The following NRG3 variants were observed in gnomAD, a reference collection of about 807,000 sequenced individuals.
The protein encoded by NRG3 is neuregulin 3.
NRG3 carries 31 observed loss-of-function variants against 66.9 expected under a neutral mutation model. That is an observed-to-expected ratio of 0.46 (90% CI 0.35 to 0.63). NRG3 has a LOEUF of 0.63. Ranked by LOEUF, NRG3 falls within the 20% of genes least tolerant of loss-of-function variation. The pLI, the probability that NRG3 is intolerant of heterozygous loss-of-function variation, is 0.00. For synonymous variants in NRG3, 393 were observed against 359.4 expected (o/e 1.09, Z -1.06); for missense variants, 910 against 878.9 (o/e 1.04, Z -0.45).
rs937874149 is a variant in NRG3, at chr10:81,876,177, G to A, written c.823+14G>A. 1.3e-6 allele frequency: 2 copies of A among 1,561,128 alleles called. No homozygotes were observed. The highest frequency in any genetic ancestry group is 2.7e-5 in the African/African-American group (2 of 73,254). ...GCCCCAAATTTCGTAAGTAAACACT[G>A]TGTCTCAACTATGATTTACTACTGA... On this transcript the variant is annotated intron_variant, in intron 1 of 8. Coordinates refer to ENST00000372141, the MANE Select transcript of NRG3 (RefSeq NM_001010848.4).
chr10:81,958,004 A>G (rs186126339), intron 1 of NRG3, among the ~76,000 whole-genome samples: 44 of 152,296 alleles, frequency 2.9e-4, no homozygotes, highest in African/African-American at 1.0e-3. Context: ...TGGCCTTTCC[A>G]GATTGGAGTA....
intron 3 of NRG3, among the ~76,000 whole-genome samples, chr10:82,764,564 T>C (rs1260559285): frequency 6.6e-6 from 1 of 151,828 alleles, no homozygotes; most frequent in African/African-American, 2.4e-5. Context: ...GGCTTCACCA[T>C]GTTGGCCAGG....
chr10:82,007,326 C>T (rs2061412476), intron 1 of NRG3, among the ~76,000 whole-genome samples: 1 of 151,028 alleles, frequency 6.6e-6, no homozygotes, highest in Non-Finnish European at 1.5e-5. Context: ...TCTCCTGCCT[C>T]AGCCTCCCAA....
At chr10:82,600,015 A>G (rs1178185508) in intron 2 of NRG3, among the ~76,000 whole-genome samples, 1 of 152,200 alleles carries the variant, frequency 6.6e-6, no homozygotes, top group East Asian at 1.9e-4. Context: ...TACTTAAAAA[A>G]ATAGTGATAT....
At position 82,985,759 on chromosome 10, in the gene NRG3, T is replaced by C. The variant is rs1391925073; in HGVS notation, c.*154T>C. On this transcript the variant is annotated 3_prime_UTR_variant, in exon 9 of 9. Coordinates refer to ENST00000372141, the MANE Select transcript of NRG3 (RefSeq NM_001010848.4). ...CATATCATAGTGTTTTTTAACAAAA[T>C]ATTTTTTTAAGGGAAAGAAATGTTT... 3 of 826,348 alleles carry C rather than the reference T, an allele frequency of 3.6e-6. No homozygotes were observed. In the African/African-American group the frequency reaches 5.2e-5, roughly 14 times the overall value. The allele number at this position is 826,348 out of a possible 1,614,324, so 51.2% of individuals were successfully genotyped here.
chr10:82,311,763 C>T (rs1038367261), intron 1 of NRG3, among the ~76,000 whole-genome samples: 4 of 152,142 alleles, frequency 2.6e-5, no homozygotes, highest in African/African-American at 9.7e-5. Flanking sequence ...ACCACTCCCC[C>T]AGTTTCTTAT....
chr10:82,489,923 T>C (rs369109745), intron 2 of NRG3, among the ~76,000 whole-genome samples: 2 of 152,164 alleles, frequency 1.3e-5, no homozygotes, highest in Non-Finnish European at 2.9e-5. Context: ...CAGTGCTGTT[T>C]TCCTGGAGAT....
intron 4 of NRG3, among the ~76,000 whole-genome samples, chr10:82,871,456 A>G (rs1395280778): frequency 6.6e-6 from 1 of 152,124 alleles, no homozygotes; most frequent in Non-Finnish European, 1.5e-5. Flanking sequence ...TACACAATGT[A>G]ACTTCCTGGA....
intron 3 of NRG3, among the ~76,000 whole-genome samples, chr10:82,838,248 CTG>C (rs2062877129): frequency 6.6e-6 from 1 of 152,104 alleles, no homozygotes; most frequent in Admixed American, 6.6e-5. Context: ...TAAGTCAACT[CTG>C]AAGGGTGTCA....
chr10:82,159,269 G>C (rs762273343), intron 1 of NRG3, among the ~76,000 whole-genome samples: 4 of 151,798 alleles, frequency 2.6e-5, no homozygotes, highest in Non-Finnish European at 4.4e-5. Flanking sequence ...AAATTAGCCT[G>C]GCATTTAAAG....
chr10:82,327,084 C>T (rs1394965212), intron 1 of NRG3, among the ~76,000 whole-genome samples: 1 of 152,038 alleles, frequency 6.6e-6, no homozygotes, highest in Non-Finnish European at 1.5e-5. Flanking sequence ...TGACCCTGGG[C>T]TGAGGGAATG....
intron 4 of NRG3, among the ~76,000 whole-genome samples, chr10:82,878,046 G>T (rs1003359592): frequency 6.6e-6 from 1 of 152,112 alleles, no homozygotes; most frequent in African/African-American, 2.4e-5. Context: ...AGAGGAAGGA[G>T]CACCCACATA....
chr10:82,107,992 G>T (rs1033065210), intron 1 of NRG3, among the ~76,000 whole-genome samples: 1 of 152,154 alleles, frequency 6.6e-6, no homozygotes, highest in African/African-American at 2.4e-5. Flanking sequence ...TGACGCAGCC[G>T]TCTGTGAGGT....
At chr10:82,825,538 G>T (rs897361136) in intron 3 of NRG3, among the ~76,000 whole-genome samples, 1 of 152,172 alleles carries the variant, frequency 6.6e-6, no homozygotes, top group Non-Finnish European at 1.5e-5. Flanking sequence ...TCCAGGCAGG[G>T]TTCTGACGGC....
chr10:82,033,401 G>A (rs1280258426), intron 1 of NRG3, among the ~76,000 whole-genome samples: 1 of 152,058 alleles, frequency 6.6e-6, no homozygotes, highest in Non-Finnish European at 1.5e-5. Flanking sequence ...TGTACCATAA[G>A]AAGCCTTCCC....
chr10:82,331,497 A>G (rs190434831), intron 1 of NRG3, among the ~76,000 whole-genome samples: 66 of 152,178 alleles, frequency 4.3e-4, no homozygotes, highest in Non-Finnish European at 7.2e-4. Context: ...CCAGGAACTA[A>G]GGTTCCCATG....
chr10:81,880,865 A>C (rs1487756535), intron 1 of NRG3, among the ~76,000 whole-genome samples: 1 of 152,172 alleles, frequency 6.6e-6, no homozygotes, highest in African/African-American at 2.4e-5. Context: ...GTAAGGACAG[A>C]GCTGGTACTG....
chr10:82,933,565 A>T (rs1847786342), intron 4 of NRG3, among the ~76,000 whole-genome samples: 1 of 152,212 alleles, frequency 6.6e-6, no homozygotes, highest in Non-Finnish European at 1.5e-5. Context: ...GAAGTTGTGT[A>T]ATTGTGCCTC....
chr10:81,951,116 G>C (rs2133189686), intron 1 of NRG3, among the ~76,000 whole-genome samples: 1 of 152,258 alleles, frequency 6.6e-6, no homozygotes, highest in Admixed American at 6.5e-5. Flanking sequence ...CCAGTCATGT[G>C]GCTGCTGAAA....
Sources: gnomAD v4.1 joint callset for allele counts (sites outside exome capture counted in the v4.1 genomes callset) on GRCh38, gnomAD v4.1.1 for gene constraint, MANE v1.5 for transcripts, NCBI Gene and HGNC (gene_info 2026-07-23, HGNC 2026-07-21) for gene names.